UBR7: variants seen among roughly 807,000 people sequenced by gnomAD.
The protein encoded by UBR7 is putative E3 ubiquitin-protein ligase UBR7.
Under a neutral mutation model 57.0 loss-of-function variants are expected in UBR7, and 22 were observed. The ratio of observed to expected loss-of-function variants is 0.39; its 90% CI spans 0.28 to 0.55. The LOEUF (loss-of-function observed/expected upper bound fraction) is 0.55, where lower values mean the gene tolerates loss of function less well. Ranked by LOEUF, UBR7 falls within the 20% of genes least tolerant of loss-of-function variation. The probability of loss-of-function intolerance (pLI) is 0.69; values close to 1 mark genes in which losing one functional copy is unlikely to be tolerated. For synonymous variants in UBR7, 167 were observed against 179.8 expected (o/e 0.93, Z 0.57); for missense variants, 395 against 513.2 (o/e 0.77, Z 2.23).
chr14:93,222,753 A>G (rs549252570), intron 10 of UBR7, among the ~76,000 whole-genome samples: 139 of 152,306 alleles, frequency 9.1e-4, no homozygotes, highest in Non-Finnish European at 1.6e-3. Flanking sequence ...AAAAAAAAAA[A>G]AATGACTGCG....
At chr14:93,213,247 A>G (rs1335511226) in intron 4 of UBR7, among the ~76,000 whole-genome samples, 1 of 152,174 alleles carries the variant, frequency 6.6e-6, no homozygotes, top group East Asian at 1.9e-4. Context: ...ACTTTTGTCA[A>G]CCTTGCATAT....
At chr14:93,217,541 CTGTCTG>C (rs1303717412) in intron 6 of UBR7, among the ~76,000 whole-genome samples, 6 of 147,120 alleles carry the variant, frequency 4.1e-5, no homozygotes, top group Admixed American at 1.4e-4. Context: ...AATTACCCTT[CTGTCTG>C]TGTTTACAAT....
Position 93,207,258 on chromosome 14 carries a change from C to T in UBR7, c.-34C>T, listed in dbSNP as rs1237485357. ...TCACGGCCGCTTTTCCCGCCTCCGC[C>T]GGGGCCGAGCCGCTGTTCGGCTGAC... is the stretch of plus-strand genomic sequence containing the variant. On this transcript the variant is annotated 5_prime_UTR_variant, in exon 1 of 11. Coordinates refer to ENST00000013070, the MANE Select transcript of UBR7 (RefSeq NM_175748.4). 14 of 1,549,300 alleles carry T rather than the reference C, an allele frequency of 9.0e-6. No homozygotes were observed. The highest frequency in any genetic ancestry group is 1.1e-5 in the Non-Finnish European group (13 of 1,147,036).
chr14:93,229,082 A>C lies in UBR7; in HGVS notation c.*2047A>C, dbSNP rs1396981734. ...TAATGCATGTTTTATGCAAAACACA[A>C]ATATGATATTAGTTGCTTTTAAGGA... On this transcript the variant is annotated 3_prime_UTR_variant, in exon 11 of 11. Transcript: ENST00000013070. 2.6e-6 allele frequency: 1 copy of C among 383,028 alleles called. No homozygotes were observed. Among genetic ancestry groups the C allele is most frequent in the African/African-American group, 2.1e-5 (1 of 47,362 alleles). The allele number at this position is 383,028 out of a possible 1,614,324, so 23.7% of individuals were successfully genotyped here.
At chr14:93,212,651 G>A (rs1335788291) in intron 4 of UBR7, among the ~76,000 whole-genome samples, 1 of 152,172 alleles carries the variant, frequency 6.6e-6, no homozygotes, top group Non-Finnish European at 1.5e-5. Context: ...GTTTCAATGT[G>A]TAGTTTCCTT....
rs116075600 is a variant in UBR7, at chr14:93,217,754, G to A, written c.602-773G>A. Among the ~76,000 whole-genome samples the A allele has an allele frequency of 6.9e-3, 1,043 of 152,198 alleles. 10 individuals are homozygous for A. The highest frequency in any genetic ancestry group is 0.024 in the African/African-American group (993 of 41,530). On this transcript the variant is annotated intron_variant, in intron 6 of 10. Coordinates refer to ENST00000013070, the MANE Select transcript of UBR7 (RefSeq NM_175748.4). ...TCTTTCTCAGTATTTCGGAGACTAC[G>A]GTGGACTAATCTCTTTTTCCAGATT... is the stretch of plus-strand genomic sequence containing the variant.
In UBR7 at chr14:93,229,075, A is replaced by G. The variant is rs758044159; in HGVS notation, c.*2040A>G. The G allele has an allele frequency of 2.6e-6, 1 of 388,916 alleles. No homozygotes were observed. The highest frequency in any genetic ancestry group is 1.9e-5 in the South Asian group (1 of 52,644). The allele number at this position is 388,916 out of a possible 1,614,324, so 24.1% of individuals were successfully genotyped here. The stretch of plus-strand genomic sequence containing the variant: ...AACATATTAATGCATGTTTTATGCA[A>G]AACACAAATATGATATTAGTTGCTT... On this transcript the variant is annotated 3_prime_UTR_variant, in exon 11 of 11. Coordinates refer to ENST00000013070, the MANE Select transcript of UBR7 (RefSeq NM_175748.4).
At chr14:93,209,301 T>G (rs1278475949) in intron 1 of UBR7, among the ~76,000 whole-genome samples, 1 of 152,248 alleles carries the variant, frequency 6.6e-6, no homozygotes, top group Non-Finnish European at 1.5e-5. Context: ...CTTTCTTTGG[T>G]AGATTTACAA....
intron 10 of UBR7, chr14:93,223,650 G>T: frequency 7.2e-7 from 1 of 1,385,288 alleles, no homozygotes; most frequent in Non-Finnish European, 1.0e-6. Context: ...GGGCTGACGG[G>T]CAGGACCCGG....
At chr14:93,210,124 C>T (rs1894451086) in intron 2 of UBR7, among the ~76,000 whole-genome samples, 167 bp downstream of exon 2, 1 of 133,878 alleles carries the variant, frequency 7.5e-6, no homozygotes, top group Non-Finnish European at 1.6e-5. Flanking sequence ...TGCTCTGTCA[C>T]CCAGGCTGGA....
At chr14:93,208,799 CT>C (rs1001766635) in intron 1 of UBR7, among the ~76,000 whole-genome samples, 1 of 151,500 alleles carries the variant, frequency 6.6e-6, no homozygotes, top group East Asian at 1.9e-4. Context: ...TACATATTCA[CT>C]TTTTTTTTCT....
intron 2 of UBR7, among the ~76,000 whole-genome samples, chr14:93,210,241 G>A (rs1016611381): frequency 6.6e-6 from 1 of 151,912 alleles, no homozygotes; most frequent in African/African-American, 2.4e-5. Flanking sequence ...CCACCACCAC[G>A]CCCAGCTAAT....
chr14:93,211,819 CA>C (rs199720634), intron 3 of UBR7, among the ~76,000 whole-genome samples: 537 of 144,818 alleles, frequency 3.7e-3, no homozygotes, highest in African/African-American at 0.013. Flanking sequence ...CTAATTACCA[CA>C]AAAAAAAACA....
chr14:93,217,099 T>C (rs545626746), intron 6 of UBR7, among the ~76,000 whole-genome samples: 1 of 152,164 alleles, frequency 6.6e-6, no homozygotes, highest in Admixed American at 6.5e-5. Context: ...CAATCTCTGC[T>C]CACTGTAACC....
rs181817109 is a variant in UBR7 at position 93,219,427 on chromosome 14, C to T, written c.960+66C>T. ...TACTGGTGCCCCAAAATAAGAACAC[C>T]TGGGGAAAACATTCAATTTTTGTAC... On this transcript the variant is annotated intron_variant, in intron 8 of 10. Transcript: ENST00000013070. 165 of 1,585,558 alleles carry T rather than the reference C, an allele frequency of 1.0e-4. 1 individual carries two copies. In the East Asian group the frequency reaches 1.4e-3, roughly 13 times the overall value.
At position 93,229,091 on chromosome 14, in the gene UBR7, T is replaced by C. The variant is rs1028666434; in HGVS notation, c.*2056T>C. ...TTTTATGCAAAACACAAATATGATA[T>C]TAGTTGCTTTTAAGGAGTTCTGGCA... On this transcript the variant is annotated 3_prime_UTR_variant, in exon 11 of 11. Coordinates refer to ENST00000013070, the MANE Select transcript of UBR7 (RefSeq NM_175748.4). The C allele has an allele frequency of 7.3e-5, 27 of 372,130 alleles. No homozygotes were observed. The highest frequency in any genetic ancestry group is 1.4e-4 in the Non-Finnish European group (27 of 189,456). 23.1% of individuals were successfully genotyped at this position (372,130 alleles called of 1,614,324 possible).
intron 10 of UBR7, among the ~76,000 whole-genome samples, chr14:93,224,917 C>T (rs968983978): frequency 1.0e-4 from 5 of 47,708 alleles, no homozygotes; most frequent in Non-Finnish European, 2.0e-4. Context: ...CTTTTGTGGT[C>T]GGTTTTCTTT....
At chr14:93,215,152 A>T (rs1595266701) in intron 5 of UBR7, 24 bp from the exon 6 acceptor site, 1 of 1,553,572 alleles carries the variant, frequency 6.4e-7, no homozygotes, top group Non-Finnish European at 8.7e-7. Context: ...TCACAAGAAA[A>T]TTTTTGGTGT....
rs189573114 is a variant in UBR7 at position 93,219,842 on chromosome 14, G to T, written c.961-407G>T. On this transcript the variant is annotated intron_variant, in intron 8 of 10. Transcript: ENST00000013070. ...AATACAAAATTAGCTGGGTGTGGTG[G>T]CACATGCCTGTAATCCCAGCTCCTT... is the stretch of plus-strand genomic sequence containing the variant. Among the ~76,000 whole-genome samples, 3 of 152,298 alleles carry T rather than the reference G, an allele frequency of 2.0e-5. No homozygotes were observed. The East Asian group carries it at 5.8e-4, about 29-fold the overall frequency.
Sources: gnomAD v4.1 joint callset for allele counts (sites outside exome capture counted in the v4.1 genomes callset) on GRCh38, gnomAD v4.1.1 for gene constraint, MANE v1.5 for transcripts, NCBI Gene and HGNC (gene_info 2026-07-23, HGNC 2026-07-21) for gene names.